FRMD4B: variants seen among roughly 807,000 people sequenced by gnomAD.
FRMD4B encodes the protein FERM domain containing 4B.
In FRMD4B, 74 loss-of-function variants were observed where a neutral mutation model predicts 141.5. The observed-to-expected ratio is 0.52, with a 90% CI of 0.43 to 0.63. FRMD4B has a LOEUF of 0.63. FRMD4B is among the 30% of genes least tolerant of loss of function. The pLI is 0.00. For synonymous variants in FRMD4B, 506 were observed against 467.9 expected, an observed-to-expected ratio of 1.08 and a Z score of -1.05; for missense variants, 1,366 against 1,253.4, an observed-to-expected ratio of 1.09 and a Z score of -1.36.
chr3:69,316,717 A>T (rs1701814287), intron 1 of FRMD4B, among the ~76,000 whole-genome samples: 1 of 152,244 alleles, frequency 6.6e-6, no homozygotes, highest in South Asian at 2.1e-4. Flanking sequence ...ATATAAAAAA[A>T]TAATGCTCAA....
intron 1 of FRMD4B, among the ~76,000 whole-genome samples, chr3:69,476,026 T>C (rs922381321): frequency 6.6e-5 from 10 of 151,562 alleles, no homozygotes; most frequent in African/African-American, 2.4e-4. Flanking sequence ...TGTCTGTTCA[T>C]GTCCTTCACC....
At chr3:69,203,928 C>G (rs562233982) in intron 11 of FRMD4B, among the ~76,000 whole-genome samples, 21 of 152,310 alleles carry the variant, frequency 1.4e-4, no homozygotes, top group African/African-American at 4.8e-4. Context: ...TTGGGTTATT[C>G]TGTTAACATA....
intron 2 of FRMD4B, among the ~76,000 whole-genome samples, chr3:69,413,030 C>A (rs1704786855): frequency 1.3e-5 from 2 of 151,960 alleles, no homozygotes; most frequent in South Asian, 4.2e-4. Flanking sequence ...GTAGTCTATT[C>A]ATACCTCTAT....
chr3:69,463,658 G>C (rs1705736804), intron 1 of FRMD4B, among the ~76,000 whole-genome samples: 1 of 152,314 alleles, frequency 6.6e-6, no homozygotes, highest in East Asian at 1.9e-4. Context: ...GTTGGGATTT[G>C]AGCCAGACTG....
chr3:69,343,587 T>TTTG (rs1702821672), intron 1 of FRMD4B, among the ~76,000 whole-genome samples: 1 of 148,936 alleles, frequency 6.7e-6, no homozygotes, highest in African/African-American at 2.5e-5. Context: ...GTTTTTTTTT[T>TTTG]TTTTTTTTTT....
chr3:69,350,677 A>T (rs981130647), intron 1 of FRMD4B, among the ~76,000 whole-genome samples: 6 of 152,194 alleles, frequency 3.9e-5, no homozygotes, highest in African/African-American at 9.6e-5. Flanking sequence ...CTTTGTAGGG[A>T]CATGGATGGT....
intron 1 of FRMD4B, among the ~76,000 whole-genome samples, chr3:69,490,967 T>C (rs1380847544): frequency 6.6e-6 from 1 of 152,144 alleles, no homozygotes; most frequent in Admixed American, 6.5e-5. Context: ...TTAACAACAA[T>C]TTTTTGATGC....
chr3:69,233,482 CAAAAA>C (rs747234977), intron 7 of FRMD4B, among the ~76,000 whole-genome samples: 1 of 76,004 alleles, frequency 1.3e-5, no homozygotes. Flanking sequence ...GACCCTGTCT[CAAAAA>C]AAAAAAAAAA....
intron 5 of FRMD4B, among the ~76,000 whole-genome samples, chr3:69,285,397 CAA>C (rs56161837): frequency 1.8e-4 from 18 of 98,878 alleles, no homozygotes; most frequent in East Asian, 2.7e-4. Flanking sequence ...TACATGAGGC[CAA>C]AAAAAAAAAA....
intron 5 of FRMD4B, among the ~76,000 whole-genome samples, chr3:69,255,555 A>T (rs904785678): frequency 3.3e-5 from 5 of 152,088 alleles, no homozygotes. Context: ...TTAAAAAAAA[A>T]GTTTGCAAAA....
chr3:69,299,590 T>C (rs1220433054), intron 4 of FRMD4B, among the ~76,000 whole-genome samples: 2 of 152,210 alleles, frequency 1.3e-5, no homozygotes, highest in African/African-American at 4.8e-5. Context: ...GCCCTGCCTC[T>C]CCTTCTGGAG....
At chr3:69,343,958 C>T (rs1314959669) in intron 1 of FRMD4B, among the ~76,000 whole-genome samples, 6 of 152,148 alleles carry the variant, frequency 3.9e-5, no homozygotes, top group Admixed American at 3.9e-4. Context: ...TATTTATATT[C>T]CCCAACTGGT....
chr3:69,172,253 T>A (rs1420601411), intron 22 of FRMD4B, among the ~76,000 whole-genome samples: 2 of 152,252 alleles, frequency 1.3e-5, no homozygotes, highest in Admixed American at 1.3e-4. Context: ...CAGACTGTAT[T>A]AAGTTACATG....
intron 5 of FRMD4B, among the ~76,000 whole-genome samples, chr3:69,269,331 G>C (rs2093583699): frequency 6.6e-6 from 1 of 151,496 alleles, no homozygotes; most frequent in Non-Finnish European, 1.5e-5. Context: ...TCTGTTCCAA[G>C]AGCTTTGGAT....
chr3:69,321,957 CTTGGCTTCCCAAAGTGCTGGGA>C (rs1702014711), intron 1 of FRMD4B, among the ~76,000 whole-genome samples: 1 of 152,296 alleles, frequency 6.6e-6, no homozygotes, highest in East Asian at 1.9e-4. Flanking sequence ...GTCCTCCTGC[CTTGGCTTCCCAAAGTGCTGGGA>C]TTACAGCTGT....
intron 1 of FRMD4B, chr3:69,536,050 T>G (rs983989104): frequency 2.4e-6 from 1 of 417,036 alleles, no homozygotes; most frequent in Non-Finnish European, 4.7e-6. Flanking sequence ...GGCTTAGGGG[T>G]GCCTTCCTAG....
rs548823709 is a variant in FRMD4B at position 69,515,947 on chromosome 3, T to A, written c.-129+26259A>T. Reference sequence around the variant, plus strand: ...AATAACTGCTCCCAAAAGATAGCCATGTCTTGGCCGGTTGCAGTGGCTCAT... The same window carrying A: ...AATAACTGCTCCCAAAAGATAGCCAAGTCTTGGCCGGTTGCAGTGGCTCAT... On this transcript the variant is annotated intron_variant, in intron 1 of 5. Coordinates refer to the FRMD4B transcript ENST00000459638. Among the ~76,000 whole-genome samples, 34 of 152,274 alleles carry A rather than the reference T, an allele frequency of 2.2e-4. 1 individual carries two copies. In the South Asian group the frequency reaches 3.9e-3, roughly 18 times the overall value.
intron 1 of FRMD4B, among the ~76,000 whole-genome samples, chr3:69,361,594 TG>T (rs1231626105): frequency 9.9e-5 from 15 of 152,208 alleles, no homozygotes; most frequent in African/African-American, 3.6e-4. Flanking sequence ...AATTGAATTA[TG>T]GAGTATGTAT....
intron 1 of FRMD4B, among the ~76,000 whole-genome samples, chr3:69,488,036 AAGAAAG>A (rs1706245137): frequency 1.3e-5 from 2 of 152,162 alleles, no homozygotes; most frequent in African/African-American, 4.8e-5. Context: ...GGGAAAGAAA[AAGAAAG>A]AGAAAGAAAG....
Sources: gnomAD v4.1 joint callset for allele counts (sites outside exome capture counted in the v4.1 genomes callset) on GRCh38, gnomAD v4.1.1 for gene constraint, MANE v1.5 for transcripts, NCBI Gene and HGNC (gene_info 2026-07-23, HGNC 2026-07-21) for gene names.